Variants in KHDRBS2 observed in about 807,000 individuals in gnomAD.
KHDRBS2 encodes KH domain-containing, RNA-binding, signal transduction-associated protein 2.
Under a neutral mutation model 44.3 loss-of-function variants are expected in KHDRBS2, and 26 were observed. That is an observed-to-expected ratio of 0.59 (90% CI 0.43 to 0.81). The LOEUF is 0.81. Among genes scored for constraint, KHDRBS2 ranks in the 40% least tolerant of loss-of-function variants. KHDRBS2 has a pLI of 0.00. For missense variants in KHDRBS2, 476 were observed against 433.1 expected, an observed-to-expected ratio of 1.10 and a Z score of -0.88; for synonymous variants, 194 against 151.1, an observed-to-expected ratio of 1.28 and a Z score of -2.08.
At position 61,929,122 on chromosome 6, in the gene KHDRBS2, T is replaced by TACAATA. The variant is rs1248249489; in HGVS notation, c.484-27752_484-27751insTATTGT. 2.3e-3 allele frequency among the ~76,000 whole-genome samples: 353 copies of TACAATA among 152,200 alleles called. 1 individual carries two copies. The highest frequency in any genetic ancestry group is 8.3e-3 in the African/African-American group (344 of 41,554). Reference sequence around the variant, plus strand: ...AGTACAATATCAATCTATGGGAAAGTTGAATATAATGTAGGTTTGCTCCTG... The same window carrying TACAATA: ...AGTACAATATCAATCTATGGGAAAGTACAATATGAATATAATGTAGGTTTGCTCCTG... On this transcript the variant is annotated intron_variant, in intron 4 of 8. Transcript: ENST00000281156.
intron 3 of KHDRBS2, among the ~76,000 whole-genome samples, chr6:61,983,208 C>CTTT (rs149013871): frequency 2.3e-5 from 1 of 44,222 alleles, no homozygotes. Context: ...CATTTTCTTT[C>CTTT]TTTCTTTCTT....
chr6:62,259,527 C>T (rs1049189516), intron 1 of KHDRBS2, among the ~76,000 whole-genome samples: 1 of 151,698 alleles, frequency 6.6e-6, no homozygotes, highest in Non-Finnish European at 1.5e-5. Context: ...CACCCTTGTA[C>T]ATAAATAATA....
At chr6:61,959,263 GC>G (rs1768108062) in intron 4 of KHDRBS2, among the ~76,000 whole-genome samples, 1 of 152,090 alleles carries the variant, frequency 6.6e-6, no homozygotes, top group Non-Finnish European at 1.5e-5. Context: ...CACATCACTT[GC>G]CCCCTGTATT....
chr6:61,972,730 C>A (rs115764518), intron 4 of KHDRBS2, among the ~76,000 whole-genome samples: 1 of 152,278 alleles, frequency 6.6e-6, no homozygotes, highest in Admixed American at 6.5e-5. Flanking sequence ...GAACTCCTGC[C>A]GTCAGCCAGT....
intron 6 of KHDRBS2, among the ~76,000 whole-genome samples, chr6:61,790,277 G>GA (rs1392247733): frequency 6.6e-6 from 1 of 151,266 alleles, no homozygotes; most frequent in East Asian, 1.9e-4. Flanking sequence ...TTGTTTGGAA[G>GA]AATTTGTCCT....
chr6:61,954,634 ACACATACATACTTATG>A lies in KHDRBS2; in HGVS notation c.483+23416_483+23431del, dbSNP rs1562511363. 2.9e-4 allele frequency among the ~76,000 whole-genome samples: 36 copies of A among 125,436 alleles called. 2 individuals carry two copies. The highest frequency in any genetic ancestry group is 1.1e-3 in the African/African-American group (34 of 31,820). 82.3% of individuals were successfully genotyped at this position (125,436 alleles called of 152,430 possible). ...TATGTATACATATATATGTATATAT[ACACATACATACTTATG>A]TATACATACATATGTGTATATACAC... On this transcript the variant is annotated intron_variant, in intron 4 of 8. Transcript: ENST00000281156.
intron 6 of KHDRBS2, among the ~76,000 whole-genome samples, chr6:61,788,779 A>G (rs995729449): frequency 1.3e-5 from 2 of 151,282 alleles, no homozygotes; most frequent in Non-Finnish European, 3.0e-5. Flanking sequence ...TATAAAGAAT[A>G]TGCCATTCCT....
intron 6 of KHDRBS2, among the ~76,000 whole-genome samples, chr6:61,771,444 C>A (rs1463411934): frequency 6.6e-6 from 1 of 152,134 alleles, no homozygotes; most frequent in African/African-American, 2.4e-5. Context: ...GGAAACCCAT[C>A]TCACGTGCAG....
At chr6:62,212,047 A>G (rs1041925191) in intron 1 of KHDRBS2, among the ~76,000 whole-genome samples, 1 of 152,154 alleles carries the variant, frequency 6.6e-6, no homozygotes, top group African/African-American at 2.4e-5. Flanking sequence ...TTAGCAAACT[A>G]ATGCAGGAAC....
At chr6:61,774,226 A>T (rs965204040) in intron 6 of KHDRBS2, among the ~76,000 whole-genome samples, 2 of 152,100 alleles carry the variant, frequency 1.3e-5, no homozygotes, top group African/African-American at 4.8e-5. Flanking sequence ...TCTATAAATT[A>T]CTTTGGGCAG....
At chr6:61,805,841 G>A (rs1321855026) in intron 6 of KHDRBS2, among the ~76,000 whole-genome samples, 1 of 152,156 alleles carries the variant, frequency 6.6e-6, no homozygotes, top group African/African-American at 2.4e-5. Flanking sequence ...TTACAACTCA[G>A]ATTACAATTA....
At chr6:62,047,798 C>A (rs964265084) in intron 3 of KHDRBS2, 80 bp downstream of exon 3, 1 of 848,396 alleles carries the variant, frequency 1.2e-6, no homozygotes, top group South Asian at 1.4e-5. Context: ...AAGAGCAGTT[C>A]AGGCATGCTT....
chr6:61,787,975 C>T (rs916858994), intron 6 of KHDRBS2, among the ~76,000 whole-genome samples: 38 of 151,534 alleles, frequency 2.5e-4, no homozygotes, highest in Admixed American at 3.3e-4. Flanking sequence ...CATAATATAT[C>T]ATTGTTAGAG....
intron 2 of KHDRBS2, among the ~76,000 whole-genome samples, chr6:62,163,471 A>G (rs1364083957): frequency 6.6e-6 from 1 of 152,108 alleles, no homozygotes; most frequent in African/African-American, 2.4e-5. Flanking sequence ...CAAATACTGT[A>G]GAAATGATTC....
At chr6:62,234,285 A>C (rs1458169131) in intron 1 of KHDRBS2, among the ~76,000 whole-genome samples, 1 of 152,146 alleles carries the variant, frequency 6.6e-6, no homozygotes, top group Non-Finnish European at 1.5e-5. Context: ...TTGGAAAAGT[A>C]ATCTGATCTT....
intron 3 of KHDRBS2, among the ~76,000 whole-genome samples, chr6:62,003,271 C>T (rs754223263): frequency 2.6e-5 from 4 of 151,268 alleles, no homozygotes; most frequent in African/African-American, 4.9e-5. Flanking sequence ...AAAGTGAGAC[C>T]CTGTCTTTCA....
intron 1 of KHDRBS2, among the ~76,000 whole-genome samples, chr6:62,195,061 C>A (rs181114425): frequency 3.8e-4 from 58 of 152,038 alleles, no homozygotes; most frequent in African/African-American, 1.3e-3. Flanking sequence ...AAATGATGAA[C>A]ATGGGATACA....
intron 4 of KHDRBS2, among the ~76,000 whole-genome samples, chr6:61,944,577 A>G (rs945681098): frequency 4.6e-5 from 7 of 152,148 alleles, no homozygotes; most frequent in Non-Finnish European, 1.5e-5. Flanking sequence ...ATGCGTTCTA[A>G]TATTTGATAG....
intron 6 of KHDRBS2, among the ~76,000 whole-genome samples, chr6:61,792,526 T>G (rs1344271165): frequency 2.0e-5 from 3 of 151,734 alleles, no homozygotes; most frequent in South Asian, 2.1e-4. Flanking sequence ...TTGAAAACAC[T>G]GAGTTTGAAA....
Sources: gnomAD v4.1 joint callset for allele counts (sites outside exome capture counted in the v4.1 genomes callset) on GRCh38, gnomAD v4.1.1 for gene constraint, MANE v1.5 for transcripts, NCBI Gene and HGNC (gene_info 2026-07-23, HGNC 2026-07-21) for gene names.